The following FRMPD4 variants were observed in gnomAD, a reference collection of about 807,000 sequenced individuals.
FRMPD4 encodes the protein FERM and PDZ domain containing 4, also known as FERM and PDZ domain-containing protein 4.
Under a neutral mutation model 94.1 loss-of-function variants are expected in FRMPD4, and 22 were observed. The ratio of observed to expected loss-of-function variants is 0.23; its 90% CI spans 0.17 to 0.33. The LOEUF (loss-of-function observed/expected upper bound fraction) is 0.33, where lower values mean the gene tolerates loss of function less well. Ranked by LOEUF, FRMPD4 falls within the 10% of genes least tolerant of loss-of-function variation. FRMPD4 has a pLI of 1.00. For missense variants in FRMPD4, 1,111 were observed against 1,339.9 expected, an observed-to-expected ratio of 0.83 and a Z score of 2.67; for synonymous variants, 631 against 548.6, an observed-to-expected ratio of 1.15 and a Z score of -2.10.
At chrX:11,935,296 T>TTTTTTTTTTTTTA (rs1426294721) in intron 3 of FRMPD4, among the ~76,000 whole-genome samples, 1 of 28,221 alleles carries the variant, frequency 3.5e-5, no homozygotes, top group African/African-American at 1.3e-4. Context: ...TTTTTTTTTT[T>TTTTTTTTTTTTTA]ATTATACTCT....
At chrX:11,992,851 G>A (rs766248750) in intron 3 of FRMPD4, among the ~76,000 whole-genome samples, 105 of 109,889 alleles carry the variant, frequency 9.6e-4, no homozygotes, top group African/African-American at 3.4e-3. Context: ...CTTGGTGGAA[G>A]GTAAGGGAGT....
At chrX:12,364,140 C>CCA (rs756868811) in intron 1 of FRMPD4, among the ~76,000 whole-genome samples, 111 of 110,034 alleles carry the variant, frequency 1.0e-3, no homozygotes, top group African/African-American at 3.5e-3. Context: ...TACCCCACTG[C>CCA]CACACACACA....
chrX:12,646,538 G>A (rs1307560877), intron 4 of FRMPD4, among the ~76,000 whole-genome samples: 1 of 111,967 alleles, frequency 8.9e-6, no homozygotes, highest in Non-Finnish European at 1.9e-5. Flanking sequence ...CTGAAAATCT[G>A]TCAACTTTCA....
chrX:11,825,190 TTGTGTGTGTGTGTG>T (rs747320680), intron 1 of FRMPD4, among the ~76,000 whole-genome samples: 99 of 80,162 alleles, frequency 1.2e-3, no homozygotes, highest in Non-Finnish European at 1.7e-3. Flanking sequence ...TGTGTCTTCT[TTGTGTGTGTGTGTG>T]TGTGTGTGTG....
intron 1 of FRMPD4, among the ~76,000 whole-genome samples, chrX:12,298,574 T>C (rs1163734358): frequency 1.8e-5 from 2 of 112,199 alleles, no homozygotes; most frequent in Non-Finnish European, 1.9e-5. Flanking sequence ...TTTAGAGAAA[T>C]GGAGGTCTTA....
At chrX:11,930,426 TATAAG>T (rs1460877220) in intron 3 of FRMPD4, among the ~76,000 whole-genome samples, 3 of 110,718 alleles carry the variant, frequency 2.7e-5, no homozygotes, top group Non-Finnish European at 5.7e-5. Context: ...CATGTGCCCT[TATAAG>T]AGGAGGAGAA....
chrX:12,235,367 T>G (rs1401379228), intron 1 of FRMPD4, among the ~76,000 whole-genome samples: 1 of 112,154 alleles, frequency 8.9e-6, no homozygotes, highest in East Asian at 2.8e-4. Context: ...TAGCTAATGG[T>G]AGTTCATGCC....
chrX:12,297,675 G>A (rs939244846), intron 1 of FRMPD4, among the ~76,000 whole-genome samples: 1 of 111,736 alleles, frequency 8.9e-6, no homozygotes, highest in African/African-American at 3.3e-5. Flanking sequence ...CAGAATTGTG[G>A]GTGACAGGGA....
rs991798350 is a variant in FRMPD4 at position 12,290,104 on chromosome X, T to G, written c.41+151092T>G. On this transcript the variant is annotated intron_variant, in intron 1 of 16. Transcript: ENST00000675598. ...CAGGCAAGTACGGAGACATGGAGGT[T>G]GACTGTGATAGTCAACAAACAGCAC... 1.5e-3 allele frequency among the ~76,000 whole-genome samples: 162 copies of G among 111,603 alleles called. 3 individuals carry two copies. Among genetic ancestry groups the G allele is most frequent in the Non-Finnish European group, 4.5e-4 (24 of 53,020 alleles).
At chrX:12,605,459 G>A (rs1487876112) in intron 2 of FRMPD4, among the ~76,000 whole-genome samples, 1 of 111,516 alleles carries the variant, frequency 9.0e-6, no homozygotes, top group Non-Finnish European at 1.9e-5. Context: ...CGCCATCAGG[G>A]GTTGATGTAA....
chrX:12,150,183 G>A (rs747220320), intron 1 of FRMPD4, among the ~76,000 whole-genome samples: 34 of 112,391 alleles, frequency 3.0e-4, no homozygotes, highest in African/African-American at 1.0e-3. Context: ...AGGTATGTCT[G>A]TACTGAGTAA....
intron 2 of FRMPD4, among the ~76,000 whole-genome samples, chrX:12,530,828 A>AGGAT (rs974239455): frequency 4.9e-5 from 5 of 101,699 alleles, no homozygotes; most frequent in African/African-American, 8.0e-5. Context: ...GATTGACAGG[A>AGGAT]GGATGGATGG....
intron 1 of FRMPD4, among the ~76,000 whole-genome samples, chrX:12,364,341 T>C (rs1006677647): frequency 3.6e-5 from 4 of 111,317 alleles, no homozygotes; most frequent in Non-Finnish European, 5.7e-5. Context: ...AGGGTGCAAC[T>C]GTGTACAAGA....
intron 1 of FRMPD4, among the ~76,000 whole-genome samples, chrX:12,278,988 C>T (rs1476217742): frequency 2.7e-5 from 3 of 112,778 alleles, no homozygotes. Context: ...TAAGCAGTCA[C>T]TTGTTTATAA....
In FRMPD4 at chrX:12,317,597, A is replaced by C. The variant is rs199608499; in HGVS notation, c.41+178585A>C. On this transcript the variant is annotated intron_variant, in intron 1 of 16. Coordinates refer to ENST00000675598, the MANE Select transcript of FRMPD4 (RefSeq NM_001368397.1). ...AACAACTAAATAGCAAAAAAAAAAA[A>C]AAAAAACAAAAAAAACAAAAACCCA... Among the ~76,000 whole-genome samples the C allele has an allele frequency of 3.3e-4, 35 of 105,911 alleles. No homozygotes were observed. In the East Asian group the frequency reaches 5.7e-3, roughly 17 times the overall value. The allele number at this position is 105,911 out of a possible 115,157, so 92.0% of individuals were successfully genotyped here. A position where few individuals can be genotyped will look rare whatever the true frequency, so the allele number is the denominator to read the frequency against.
chrX:11,842,985 T>G (rs1310820532), intron 1 of FRMPD4, among the ~76,000 whole-genome samples: 5 of 112,042 alleles, frequency 4.5e-5, no homozygotes, highest in Non-Finnish European at 9.4e-5. Flanking sequence ...TATATTTTTA[T>G]TTTACTGAGA....
At chrX:12,366,419 C>T (rs998423135) in intron 1 of FRMPD4, among the ~76,000 whole-genome samples, 2 of 110,750 alleles carry the variant, frequency 1.8e-5, no homozygotes, top group Non-Finnish European at 3.8e-5. Flanking sequence ...TAGACAGGAT[C>T]ATATTAGCAA....
At chrX:12,367,127 A>G (rs1023986244) in intron 1 of FRMPD4, among the ~76,000 whole-genome samples, 4 of 111,573 alleles carry the variant, frequency 3.6e-5, no homozygotes, top group Admixed American at 1.9e-4. Context: ...GACATATACA[A>G]CCTTGCTTTT....
At chrX:11,970,023 C>T (rs889255597) in intron 3 of FRMPD4, among the ~76,000 whole-genome samples, 7 of 111,248 alleles carry the variant, frequency 6.3e-5, no homozygotes, top group Non-Finnish European at 9.4e-5. Context: ...TTCTAGGATA[C>T]TGTAGCAAAA....
Sources: allele counts gnomAD v4.1 joint callset (sites outside exome capture counted in the v4.1 genomes callset), GRCh38; gene constraint gnomAD v4.1.1; transcripts MANE v1.5; gene names NCBI Gene and HGNC (gene_info 2026-07-23, HGNC 2026-07-21).